Variants in GUCA1C observed in about 807,000 individuals in gnomAD.
GUCA1C encodes guanylate cyclase activator 1C.
A neutral mutation model predicts 16.2 loss-of-function variants in GUCA1C; 15 were observed. The ratio of observed to expected loss-of-function variants is 0.93; its 90% CI spans 0.62 to 1.43. The LOEUF (loss-of-function observed/expected upper bound fraction) is 1.43. Ranked by LOEUF, GUCA1C falls within the 40% of genes most tolerant of loss-of-function variation. The probability of loss-of-function intolerance (pLI) is 0.00; values close to 1 mark genes in which losing one functional copy is unlikely to be tolerated. For missense variants in GUCA1C, 275 were observed against 244.8 expected (o/e 1.12, Z -0.82); for synonymous variants, 78 against 85.4 (o/e 0.91, Z 0.48).
At chr3:108,923,817 A>G (rs879323043) in intron 1 of GUCA1C, among the ~76,000 whole-genome samples, 3 of 152,106 alleles carry the variant, frequency 2.0e-5, no homozygotes, top group Admixed American at 1.3e-4. Context: ...TGTGTCATCA[A>G]TGATTTCTTT....
chr3:108,952,545 T>C (rs941187723), intron 1 of GUCA1C, among the ~76,000 whole-genome samples: 2 of 152,198 alleles, frequency 1.3e-5, no homozygotes, highest in African/African-American at 4.8e-5. Context: ...GGTTTAATCT[T>C]CCCAAGTTCC....
At chr3:108,918,126 T>A (rs1946536018) in intron 2 of GUCA1C, among the ~76,000 whole-genome samples, 1 of 152,238 alleles carries the variant, frequency 6.6e-6, no homozygotes, top group Non-Finnish European at 1.5e-5. Context: ...GGCTGTCCTG[T>A]GCACCGTTGA....
intron 1 of GUCA1C, among the ~76,000 whole-genome samples, chr3:108,947,426 C>T (rs1459505470): frequency 6.6e-6 from 1 of 152,054 alleles, no homozygotes; most frequent in Non-Finnish European, 1.5e-5. Context: ...AGTGGACCCT[C>T]ACAGTTCAAA....
At chr3:108,921,495 G>A (rs1445547577) in intron 1 of GUCA1C, among the ~76,000 whole-genome samples, 1 of 152,156 alleles carries the variant, frequency 6.6e-6, no homozygotes, top group African/African-American at 2.4e-5. Context: ...AGTATGTTTA[G>A]TTTTTAAGAA....
intron 3 of GUCA1C, among the ~76,000 whole-genome samples, chr3:108,915,022 T>C (rs1301784935): frequency 5.3e-5 from 8 of 152,218 alleles, no homozygotes; most frequent in African/African-American, 1.9e-4. Context: ...GAGAAGAAGA[T>C]TGATGCAACT....
chr3:108,920,528 T>G lies in GUCA1C; in HGVS notation c.262A>C (p.Lys88Gln), dbSNP rs751221909. 4 of 1,588,380 alleles carry G rather than the reference T, an allele frequency of 2.5e-6. No homozygotes were observed. The East Asian group carries it at 8.9e-5, about 35-fold the overall frequency. Residue 88 changes from lysine (K) to glutamine (Q), a missense_variant, in exon 2 of 4, where the codon AAA becomes CAA. Lys to Gln is a moderately conservative substitution (Grantham distance 53). Transcript: ENST00000261047. ...TACCATTTTAATTTTTGCTCCATTT[T>G]TTCTTGCATGATTAGATTTACAGCA... is the stretch of plus-strand genomic sequence containing the variant. ...IAAVNLIMQE[K>Q]MEQKLKWYFK... is the part of the protein sequence containing the mutation.
chr3:108,939,115 C>T (rs1946758702), intron 1 of GUCA1C, among the ~76,000 whole-genome samples: 1 of 152,070 alleles, frequency 6.6e-6, no homozygotes, highest in African/African-American at 2.4e-5. Flanking sequence ...CATCTGTCTT[C>T]CTAAACTGAT....
intron 2 of GUCA1C, among the ~76,000 whole-genome samples, chr3:108,918,807 T>C (rs1045280674): frequency 7.2e-5 from 11 of 152,222 alleles, no homozygotes; most frequent in East Asian, 1.9e-4. Context: ...CTGCCCATTA[T>C]ATAGAAAGTG....
At chr3:108,931,185 G>T (rs962205645) in intron 1 of GUCA1C, among the ~76,000 whole-genome samples, 5 of 139,292 alleles carry the variant, frequency 3.6e-5, no homozygotes, top group African/African-American at 1.3e-4. Context: ...TTTGATGATG[G>T]TCTGTTTCAC....
chr3:108,930,626 T>G (rs1946658513), intron 1 of GUCA1C, among the ~76,000 whole-genome samples: 1 of 152,220 alleles, frequency 6.6e-6, no homozygotes, highest in African/African-American at 2.4e-5. Flanking sequence ...CATTTAGTAT[T>G]AGATTTTTGT....
At chr3:108,939,333 T>TTTTTTTTTC (rs1946762226) in intron 1 of GUCA1C, among the ~76,000 whole-genome samples, 1 of 110,176 alleles carries the variant, frequency 9.1e-6, no homozygotes, top group Non-Finnish European at 1.9e-5. Context: ...GCTTTTTTTT[T>TTTTTTTTTC]TTTTTTTTTT....
At position 108,942,618 on chromosome 3, in the gene GUCA1C, G is replaced by T. The variant is rs532271485; in HGVS notation, c.204+10941C>A. ...ATGGGATTGAAGAATTCCCCTAGGG[G>T]ACCCTTCACCATATTACCAGGTTTA... On this transcript the variant is annotated intron_variant, in intron 1 of 3. Coordinates refer to ENST00000261047, the MANE Select transcript of GUCA1C (RefSeq NM_005459.4). 4.6e-5 allele frequency among the ~76,000 whole-genome samples: 7 copies of T among 152,260 alleles called. No individual in the cohort carries two copies. The South Asian group carries it at 1.5e-3, about 32-fold the overall frequency.
At chr3:108,944,609 G>A (rs2107314666) in intron 1 of GUCA1C, among the ~76,000 whole-genome samples, 1 of 152,256 alleles carries the variant, frequency 6.6e-6, no homozygotes. Flanking sequence ...CTGCCACTGG[G>A]CTCTCTCTCA....
chr3:108,916,112 G>A lies in GUCA1C; in HGVS notation c.442+15C>T. On this transcript the variant is annotated intron_variant, in intron 3 of 3. Transcript: ENST00000261047. ...TTTGTAGGAAAAGTGATCCAGTAGA[G>A]AGTAGCTCCATTACCATCATTGTTT... 6.2e-7 allele frequency: 1 copy of A among 1,612,702 alleles called. No homozygotes were observed. Among genetic ancestry groups the A allele is most frequent in the Non-Finnish European group, 8.5e-7 (1 of 1,178,926 alleles).
At chr3:108,918,802 C>T (rs1946544189) in intron 2 of GUCA1C, among the ~76,000 whole-genome samples, 1 of 151,974 alleles carries the variant, frequency 6.6e-6, no homozygotes, top group African/African-American at 2.4e-5. Flanking sequence ...TTCACCTGCC[C>T]ATTATATAGA....
intron 1 of GUCA1C, among the ~76,000 whole-genome samples, chr3:108,949,030 T>C (rs1946871682): frequency 1.3e-5 from 2 of 152,108 alleles, no homozygotes; most frequent in Non-Finnish European, 2.9e-5. Flanking sequence ...GTATTTTCAA[T>C]AGAGATGGGA....
At chr3:108,945,078 C>A in intron 1 of GUCA1C, among the ~76,000 whole-genome samples, 1 of 152,242 alleles carries the variant, frequency 6.6e-6, no homozygotes, top group East Asian at 1.9e-4. Flanking sequence ...TCCCTAGGAG[C>A]AGAGCCAGAG....
chr3:108,922,463 A>G, intron 1 of GUCA1C, among the ~76,000 whole-genome samples: 1 of 152,178 alleles, frequency 6.6e-6, no homozygotes, highest in East Asian at 1.9e-4. Context: ...CCAGCAGTGT[A>G]AAAGTGTTCC....
chr3:108,935,392 T>C (rs1559846052), intron 1 of GUCA1C, among the ~76,000 whole-genome samples: 1 of 151,850 alleles, frequency 6.6e-6, no homozygotes, highest in Non-Finnish European at 1.5e-5. Context: ...TTTTTATATC[T>C]ATAAAGAAAG....
Sources: allele counts gnomAD v4.1 joint callset (sites outside exome capture counted in the v4.1 genomes callset), GRCh38; gene constraint gnomAD v4.1.1; transcripts MANE v1.5; gene names NCBI Gene and HGNC (gene_info 2026-07-23, HGNC 2026-07-21).